The following NTM variants were observed in gnomAD, a reference collection of about 807,000 sequenced individuals.
NTM encodes IgLON family member 2.
In NTM, 13 loss-of-function variants were observed where a neutral mutation model predicts 42.1. The observed-to-expected ratio is 0.31, with a 90% CI of 0.20 to 0.49. The LOEUF is 0.49. NTM is among the 20% of genes least tolerant of loss of function. The pLI is 0.99. For missense variants in NTM, 373 were observed against 452.8 expected (o/e 0.82, Z 1.60); for synonymous variants, 187 against 179.2 (o/e 1.04, Z -0.35).
chr11:131,541,729 A>G (rs1285618665), intron 1 of NTM, among the ~76,000 whole-genome samples: 2 of 152,216 alleles, frequency 1.3e-5, no homozygotes, highest in African/African-American at 4.8e-5. Context: ...AAAGAATACA[A>G]TAGCCATCTA....
chr11:131,948,729 T>C (rs1168570214), intron 2 of NTM, among the ~76,000 whole-genome samples: 1 of 152,214 alleles, frequency 6.6e-6, no homozygotes, highest in Non-Finnish European at 1.5e-5. Context: ...TGCTGGCAAC[T>C]GATATAAAAT....
chr11:132,127,422 C>A (rs1025316040), intron 2 of NTM, among the ~76,000 whole-genome samples: 1 of 152,244 alleles, frequency 6.6e-6, no homozygotes, highest in African/African-American at 2.4e-5. Context: ...GGATTCCAGG[C>A]AGTCTTGGCG....
At chr11:131,704,228 G>T (rs2076357263) in intron 1 of NTM, among the ~76,000 whole-genome samples, 1 of 152,208 alleles carries the variant, frequency 6.6e-6, no homozygotes, top group African/African-American at 2.4e-5. Context: ...CCCAGTGCCA[G>T]GCCAGCTCCT....
chr11:131,629,321 G>A (rs2063430325), intron 1 of NTM, among the ~76,000 whole-genome samples: 1 of 152,136 alleles, frequency 6.6e-6, no homozygotes, highest in African/African-American at 2.4e-5. Flanking sequence ...ATTATGTCCA[G>A]TTGTGATAGA....
chr11:131,467,100 G>A (rs767883448), intron 1 of NTM, among the ~76,000 whole-genome samples: 4 of 152,196 alleles, frequency 2.6e-5, no homozygotes, highest in Non-Finnish European at 5.9e-5. Context: ...GAATGACAAT[G>A]TTTTTAAAAT....
chr11:131,998,715 A>T (rs932020532), intron 2 of NTM, among the ~76,000 whole-genome samples: 1 of 152,056 alleles, frequency 6.6e-6, no homozygotes, highest in African/African-American at 2.4e-5. Flanking sequence ...CTCCCTATAC[A>T]TGGCCTTCTT....
intron 2 of NTM, among the ~76,000 whole-genome samples, chr11:132,107,592 A>G (rs1188395083): frequency 6.6e-6 from 1 of 150,542 alleles, no homozygotes; most frequent in Non-Finnish European, 1.5e-5. Context: ...CTGGTCTCAA[A>G]CTCCTAGGGT....
At chr11:132,181,355 G>A (rs1394446523) in intron 3 of NTM, among the ~76,000 whole-genome samples, 2 of 152,138 alleles carry the variant, frequency 1.3e-5, no homozygotes, top group Non-Finnish European at 2.9e-5. Flanking sequence ...TATGATTTAG[G>A]CAGTCATCCT....
chr11:131,392,415 G>T (rs755420094), intron 1 of NTM, among the ~76,000 whole-genome samples: 1 of 151,934 alleles, frequency 6.6e-6, no homozygotes, highest in African/African-American at 2.4e-5. Flanking sequence ...GCCCCTGAAG[G>T]GATGGGAGTC....
intron 6 of NTM, among the ~76,000 whole-genome samples, chr11:132,312,208 C>G (rs2095301243): frequency 6.6e-6 from 1 of 152,284 alleles, no homozygotes. Flanking sequence ...TGTGTCTGCC[C>G]TGGGGGGAAG....
chr11:131,893,775 C>G (rs2051769243), intron 1 of NTM, among the ~76,000 whole-genome samples: 1 of 152,132 alleles, frequency 6.6e-6, no homozygotes, highest in Admixed American at 6.5e-5. Flanking sequence ...CTCCAGGACC[C>G]AGGACCTCAG....
chr11:131,551,879 G>A (rs202137479), intron 1 of NTM, among the ~76,000 whole-genome samples: 15 of 152,230 alleles, frequency 9.9e-5, no homozygotes, highest in Admixed American at 3.3e-4. Context: ...CACATCCCAC[G>A]TCAAGGCTAC....
intron 1 of NTM, among the ~76,000 whole-genome samples, chr11:131,519,323 G>A (rs1424130099): frequency 6.6e-6 from 1 of 152,120 alleles, no homozygotes; most frequent in Non-Finnish European, 1.5e-5. Flanking sequence ...GGTCTTCATA[G>A]GAGGCTGCAT....
chr11:131,930,112 C>T (rs2058431607), intron 2 of NTM, among the ~76,000 whole-genome samples: 1 of 152,192 alleles, frequency 6.6e-6, no homozygotes, highest in Non-Finnish European at 1.5e-5. Context: ...AACAATTACA[C>T]TGAGTTGCAG....
At chr11:132,194,814 CTTTTTTT>C (rs902871492) in intron 3 of NTM, among the ~76,000 whole-genome samples, 28 of 110,642 alleles carry the variant, frequency 2.5e-4, no homozygotes, top group East Asian at 1.3e-3. Context: ...GCATTTCTTC[CTTTTTTT>C]TTTTTTTTTT....
intron 1 of NTM, among the ~76,000 whole-genome samples, chr11:131,403,925 C>T (rs927935939): frequency 6.6e-6 from 1 of 152,088 alleles, no homozygotes; most frequent in Non-Finnish European, 1.5e-5. Flanking sequence ...GGGGCCTCTC[C>T]TCTCTCCCCT....
chr11:132,084,546 C>A, intron 2 of NTM, among the ~76,000 whole-genome samples: 1 of 152,210 alleles, frequency 6.6e-6, no homozygotes, highest in East Asian at 1.9e-4. Flanking sequence ...AACCTTGAAG[C>A]TGAAATTTGA....
chr11:131,877,847 G>C (rs539034284), intron 1 of NTM: 1 of 152,372 alleles, frequency 6.6e-6, no homozygotes, highest in South Asian at 2.1e-4. Context: ...CAGAGTTGCT[G>C]TGAGGGTGCT....
chr11:131,779,196 C>T lies in NTM; in HGVS notation c.83-132368C>T, dbSNP rs531738950. Among the ~76,000 whole-genome samples, 8 of 152,298 alleles carry T rather than the reference C, an allele frequency of 5.3e-5. No homozygotes were observed. The South Asian group carries it at 1.7e-3, about 32-fold the overall frequency. On this transcript the variant is annotated intron_variant, in intron 1 of 8. Coordinates refer to ENST00000683400, the MANE Select transcript of NTM (RefSeq NM_001352005.2). ...AATGAATTCTGCCCACACAAATGAG[C>T]CTGGAAGAGGATTCGAAACCTCAGG... is the stretch of plus-strand genomic sequence containing the variant.
Sources: allele counts gnomAD v4.1 joint callset (sites outside exome capture counted in the v4.1 genomes callset), GRCh38; gene constraint gnomAD v4.1.1; transcripts MANE v1.5; gene names NCBI Gene and HGNC (gene_info 2026-07-23, HGNC 2026-07-21).